CADM2: variants seen among roughly 807,000 people sequenced by gnomAD.
CADM2 encodes the protein cell adhesion molecule 2, also known as immunoglobulin superfamily member 4D.
CADM2 carries 12 observed loss-of-function variants against 49.8 expected under a neutral mutation model. That is an observed-to-expected ratio of 0.24 (90% CI 0.15 to 0.39). CADM2 has a LOEUF of 0.39. Among genes scored for constraint, CADM2 ranks in the 10% least tolerant of loss-of-function variants. The pLI, the probability that CADM2 is intolerant of heterozygous loss-of-function variation, is 1.00. For missense variants in CADM2, 378 were observed against 492.3 expected (o/e 0.77, Z 2.20); for synonymous variants, 214 against 175.4 (o/e 1.22, Z -1.74).
At chr3:85,699,110 C>G (rs1180346991) in intron 1 of CADM2, among the ~76,000 whole-genome samples, 1 of 152,176 alleles carries the variant, frequency 6.6e-6, no homozygotes, top group Non-Finnish European at 1.5e-5. Context: ...AAACTTTAAT[C>G]TCCAAAATAA....
intron 1 of CADM2, among the ~76,000 whole-genome samples, chr3:85,373,799 C>T (rs1280125911): frequency 2.0e-5 from 3 of 152,170 alleles, no homozygotes; most frequent in African/African-American, 7.2e-5. Flanking sequence ...TTTGAAGCAA[C>T]AGCCTAAGCT....
chr3:86,033,053 CCTT>C (rs1380668836), intron 8 of CADM2, among the ~76,000 whole-genome samples: 5 of 151,792 alleles, frequency 3.3e-5, no homozygotes, highest in African/African-American at 1.2e-4. Flanking sequence ...TCTTTTGGCT[CCTT>C]CTTTCCCCAC....
chr3:85,132,288 C>A (rs892370395), intron 1 of CADM2, among the ~76,000 whole-genome samples: 4 of 152,084 alleles, frequency 2.6e-5, no homozygotes, highest in Non-Finnish European at 5.9e-5. Context: ...AACAAAGAAC[C>A]CCGTGACTAC....
chr3:85,168,914 T>C (rs965111847), intron 1 of CADM2, among the ~76,000 whole-genome samples: 2 of 152,254 alleles, frequency 1.3e-5, no homozygotes, highest in African/African-American at 4.8e-5. Flanking sequence ...ACAATTGTTT[T>C]TGAATTTCTT....
At chr3:85,365,331 A>G (rs2032691175) in intron 1 of CADM2, among the ~76,000 whole-genome samples, 2 of 152,004 alleles carry the variant, frequency 1.3e-5, no homozygotes, top group South Asian at 4.1e-4. Context: ...TGATACAGTT[A>G]ATGTGTGCAT....
rs1165833896 is a variant in CADM2 at position 86,067,139 on chromosome 3, C to T, written c.*356C>T. 1 of 186,118 alleles carries T rather than the reference C, an allele frequency of 5.4e-6. No individual in the cohort carries two copies. Among genetic ancestry groups the T allele is most frequent in the East Asian group, 1.5e-4 (1 of 6,624 alleles). The allele number at this position is 186,118 out of a possible 1,614,324, so 11.5% of individuals were successfully genotyped here. On this transcript the variant is annotated 3_prime_UTR_variant, in exon 10 of 10. Transcript: ENST00000383699. ...AGAGTTTTTTTCCCCCATTTTTTCCCCTTTAAGTCATAGACCTTATCAGTT... is the reference window on the plus strand; with the variant it reads ...AGAGTTTTTTTCCCCCATTTTTTCCTCTTTAAGTCATAGACCTTATCAGTT...
chr3:85,397,256 T>C (rs1187033811), intron 1 of CADM2, among the ~76,000 whole-genome samples: 1 of 152,044 alleles, frequency 6.6e-6, no homozygotes, highest in Non-Finnish European at 1.5e-5. Flanking sequence ...AAATAGAAAA[T>C]ACCAAGTTAT....
chr3:85,809,763 C>CCTCTCTCTCTCT (rs575170244), intron 3 of CADM2, among the ~76,000 whole-genome samples: 2 of 51,926 alleles, frequency 3.9e-5, no homozygotes, highest in African/African-American at 3.5e-4. Flanking sequence ...TCCCTCCCTC[C>CCTCTCTCTCTCT]CTCTCTCTCT....
At chr3:85,308,678 G>A (rs1666895615) in intron 1 of CADM2, among the ~76,000 whole-genome samples, 2 of 151,984 alleles carry the variant, frequency 1.3e-5, no homozygotes, top group Non-Finnish European at 2.9e-5. Context: ...AGTGTATGAA[G>A]ACAGAGCAGT....
intron 1 of CADM2, among the ~76,000 whole-genome samples, chr3:85,047,668 T>A (rs2035720124): frequency 6.6e-6 from 1 of 152,122 alleles, no homozygotes; most frequent in African/African-American, 2.4e-5. Flanking sequence ...CATAAGAAAA[T>A]GAGGATAAGT....
chr3:85,403,120 AAATG>A lies in CADM2; in HGVS notation c.62-323395_62-323392del, dbSNP rs1309316584. Among the ~76,000 whole-genome samples, 4 of 152,152 alleles carry A rather than the reference AAATG, an allele frequency of 2.6e-5. No homozygotes were observed. The East Asian group carries it at 7.7e-4, about 29-fold the overall frequency. The stretch of plus-strand genomic sequence containing the variant: ...TTTGGAAGTATTAAGGTTTAAGAAA[AAATG>A]AATGAAATTTTCTTAAAAATTTAAT... On this transcript the variant is annotated intron_variant, in intron 1 of 9. Transcript: ENST00000383699.
intron 1 of CADM2, among the ~76,000 whole-genome samples, chr3:85,708,749 T>C (rs1354336224): frequency 6.6e-6 from 1 of 152,164 alleles, no homozygotes; most frequent in African/African-American, 2.4e-5. Context: ...CACTCTGGTG[T>C]TTTTCTTAAT....
intron 1 of CADM2, among the ~76,000 whole-genome samples, chr3:84,966,225 A>T (rs1279616900): frequency 2.0e-5 from 3 of 152,164 alleles, no homozygotes; most frequent in Non-Finnish European, 4.4e-5. Context: ...TCAGTTAAAT[A>T]TTAATGTCAA....
chr3:85,541,720 A>T (rs1366864531), intron 1 of CADM2, among the ~76,000 whole-genome samples: 7 of 125,962 alleles, frequency 5.6e-5, no homozygotes, highest in East Asian at 4.6e-4. Flanking sequence ...ATTTTATATT[A>T]TATATATATA....
chr3:85,072,744 T>G (rs1380723632), intron 1 of CADM2, among the ~76,000 whole-genome samples: 1 of 152,074 alleles, frequency 6.6e-6, no homozygotes, highest in Non-Finnish European at 1.5e-5. Context: ...AGATAAAAAT[T>G]TTAAATTCTA....
intron 1 of CADM2, among the ~76,000 whole-genome samples, chr3:85,448,312 G>A (rs570720137): frequency 1.2e-4 from 15 of 129,944 alleles, no homozygotes; most frequent in African/African-American, 4.2e-4. Context: ...CAGCCTGGGC[G>A]ACAGAGCAAG....
At chr3:85,603,498 T>C (rs1177264830) in intron 1 of CADM2, among the ~76,000 whole-genome samples, 4 of 151,968 alleles carry the variant, frequency 2.6e-5, no homozygotes, top group African/African-American at 9.7e-5. Flanking sequence ...ATCAGCCTTC[T>C]TGAATAATTC....
chr3:85,584,627 A>G (rs1001543303), intron 1 of CADM2, among the ~76,000 whole-genome samples: 4 of 151,960 alleles, frequency 2.6e-5, no homozygotes, highest in Non-Finnish European at 5.9e-5. Flanking sequence ...TTGTCCCAGA[A>G]GTTCACATGG....
intron 1 of CADM2, among the ~76,000 whole-genome samples, chr3:85,048,062 A>G (rs1255964581): frequency 2.6e-5 from 4 of 152,170 alleles, no homozygotes; most frequent in Non-Finnish European, 4.4e-5. Context: ...AGAAAAATAA[A>G]GCTCCAAATA....
Sources: gnomAD v4.1 joint callset for allele counts (sites outside exome capture counted in the v4.1 genomes callset) on GRCh38, gnomAD v4.1.1 for gene constraint, MANE v1.5 for transcripts, NCBI Gene and HGNC (gene_info 2026-07-23, HGNC 2026-07-21) for gene names.